LINGO2: variants seen among roughly 807,000 people sequenced by gnomAD.
The protein encoded by LINGO2 is leucine rich repeat and Ig domain containing 2.
LINGO2 carries 14 observed loss-of-function variants against 30.6 expected under a neutral mutation model. The observed-to-expected ratio is 0.46, with a 90% CI of 0.30 to 0.72. LINGO2 has a LOEUF of 0.72. Among genes scored for constraint, LINGO2 ranks in the 30% least tolerant of loss-of-function variants. The pLI, the probability that LINGO2 is intolerant of heterozygous loss-of-function variation, is 0.07. For missense variants in LINGO2, 729 were observed against 751.7 expected (o/e 0.97, Z 0.35); for synonymous variants, 317 against 288.5 (o/e 1.10, Z -1.00).
the LINGO2 span, among the ~76,000 whole-genome samples, chr9:29,072,890 C>A: frequency 4.0e-5 from 6 of 151,606 alleles, no homozygotes; most frequent in Admixed American, 4.0e-4. Flanking sequence ...TCACATAGGG[C>A]ATGTGCTCCT....
intron 3 of LINGO2, among the ~76,000 whole-genome samples, chr9:28,354,962 C>G (rs1288756401): frequency 6.6e-6 from 1 of 152,112 alleles, no homozygotes; most frequent in African/African-American, 2.4e-5. Context: ...AAACTGGAGC[C>G]TTTTCAGTGC....
the LINGO2 span, among the ~76,000 whole-genome samples, chr9:28,709,301 T>C: frequency 6.6e-6 from 1 of 152,142 alleles, no homozygotes; most frequent in Non-Finnish European, 1.5e-5. Context: ...TAATTGGTTT[T>C]AGTTTAGTGT....
the LINGO2 span, among the ~76,000 whole-genome samples, chr9:28,894,676 T>C: frequency 1.3e-5 from 2 of 151,944 alleles, no homozygotes; most frequent in African/African-American, 4.8e-5. Flanking sequence ...TAATATATAA[T>C]ATTTGTTGAT....
intron 3 of LINGO2, among the ~76,000 whole-genome samples, chr9:28,367,545 G>A (rs922359313): frequency 2.6e-5 from 4 of 152,066 alleles, no homozygotes; most frequent in Non-Finnish European, 4.4e-5. Flanking sequence ...GGTGGAGCAT[G>A]TGGAAATTTG....
the LINGO2 span, among the ~76,000 whole-genome samples, chr9:28,915,322 T>C: frequency 6.6e-6 from 1 of 152,170 alleles, no homozygotes; most frequent in African/African-American, 2.4e-5. Flanking sequence ...TCAAATTTGA[T>C]TGTTCATTTG....
chr9:28,510,342 GTATGT>G (rs1820321343), intron 1 of LINGO2, among the ~76,000 whole-genome samples: 1 of 148,284 alleles, frequency 6.7e-6, no homozygotes, highest in Non-Finnish European at 1.5e-5. Flanking sequence ...CACATATTTT[GTATGT>G]TATATGTATT....
At chr9:28,391,619 G>A (rs1394396697) in intron 2 of LINGO2, among the ~76,000 whole-genome samples, 1 of 151,786 alleles carries the variant, frequency 6.6e-6, no homozygotes, top group African/African-American at 2.4e-5. Flanking sequence ...GTGTGTGTGT[G>A]TGTGTGTGTG....
chr9:28,041,723 T>C (rs1824202849), intron 4 of LINGO2, among the ~76,000 whole-genome samples: 1 of 152,166 alleles, frequency 6.6e-6, no homozygotes, highest in African/African-American at 2.4e-5. Flanking sequence ...AATTATCAGT[T>C]CAGGACCACA....
intron 1 of LINGO2, among the ~76,000 whole-genome samples, chr9:28,488,006 A>G (rs1587741352): frequency 6.6e-6 from 1 of 152,168 alleles, no homozygotes; most frequent in African/African-American, 2.4e-5. Context: ...ATACTCTGAA[A>G]AGCATGCTTT....
the LINGO2 span, among the ~76,000 whole-genome samples, chr9:28,762,325 G>T: frequency 6.6e-6 from 1 of 151,986 alleles, no homozygotes; most frequent in Non-Finnish European, 1.5e-5. Flanking sequence ...GGAAGAAAGA[G>T]AAAAGGGAAG....
the LINGO2 span, among the ~76,000 whole-genome samples, chr9:29,183,590 G>T: frequency 6.6e-6 from 1 of 152,120 alleles, no homozygotes; most frequent in Admixed American, 6.5e-5. Flanking sequence ...CTTTTCTCGG[G>T]TTCATTCATT....
At chr9:28,276,860 T>C (rs1823132403) in intron 4 of LINGO2, among the ~76,000 whole-genome samples, 2 of 152,208 alleles carry the variant, frequency 1.3e-5, no homozygotes, top group Non-Finnish European at 2.9e-5. Context: ...TGATATCTCG[T>C]TAATATTAAT....
At chr9:28,711,217 C>T in the LINGO2 span, among the ~76,000 whole-genome samples, 1 of 151,908 alleles carries the variant, frequency 6.6e-6, no homozygotes, top group Non-Finnish European at 1.5e-5. Context: ...GTGCTTAATG[C>T]TAAGGAAGAT....
intron 5 of LINGO2, among the ~76,000 whole-genome samples, chr9:27,999,436 C>CAGAGAG (rs36216761): frequency 0.081 from 11,680 of 143,540 alleles, 539 homozygotes; most frequent in Non-Finnish European, 0.1. Flanking sequence ...GCCTAATCTT[C>CAGAGAG]AGAGAGAGAG....
intron 3 of LINGO2, among the ~76,000 whole-genome samples, chr9:28,339,329 C>A (rs1211073504): frequency 3.3e-5 from 5 of 152,030 alleles, no homozygotes; most frequent in Non-Finnish European, 2.9e-5. Flanking sequence ...ATTTTAATTT[C>A]CAAAAAACTA....
the LINGO2 span, among the ~76,000 whole-genome samples, chr9:28,940,651 AC>A: frequency 6.6e-6 from 1 of 152,102 alleles, no homozygotes; most frequent in Non-Finnish European, 1.5e-5. Flanking sequence ...AAACATTAAA[AC>A]TTTGTATGTG....
chr9:29,055,685 C>T, the LINGO2 span, among the ~76,000 whole-genome samples: 1 of 152,036 alleles, frequency 6.6e-6, no homozygotes, highest in Non-Finnish European at 1.5e-5. Context: ...TACACTGTAA[C>T]CAGTGGGTAG....
intron 3 of LINGO2, among the ~76,000 whole-genome samples, chr9:28,299,939 T>C (rs1182299423): frequency 6.6e-6 from 1 of 152,126 alleles, no homozygotes; most frequent in Non-Finnish European, 1.5e-5. Context: ...CAGCATGGTG[T>C]CCAAACAACT....
the LINGO2 span, among the ~76,000 whole-genome samples, chr9:28,840,439 C>T: frequency 5.3e-5 from 8 of 151,882 alleles, no homozygotes; most frequent in Non-Finnish European, 1.2e-4. Context: ...TCCCTCTCTA[C>T]ACCATCACCA....
Sources: allele counts gnomAD v4.1 joint callset (sites outside exome capture counted in the v4.1 genomes callset), GRCh38; gene constraint gnomAD v4.1.1; transcripts MANE v1.5; gene names NCBI Gene and HGNC (gene_info 2026-07-23, HGNC 2026-07-21).